SKAP2: variants seen among roughly 807,000 people sequenced by gnomAD.
SKAP2 encodes the protein src kinase-associated phosphoprotein 2.
SKAP2 carries 28 observed loss-of-function variants against 54.9 expected under a neutral mutation model. The ratio of observed to expected loss-of-function variants is 0.51; its 90% CI spans 0.38 to 0.70. The LOEUF (loss-of-function observed/expected upper bound fraction) is 0.70, where lower values mean the gene tolerates loss of function less well. SKAP2 is among the 30% of genes least tolerant of loss of function. The pLI is 0.00. For synonymous variants in SKAP2, 137 were observed against 134.3 expected (o/e 1.02, Z -0.14); for missense variants, 356 against 424.1 (o/e 0.84, Z 1.41).
At chr7:26,785,289 C>G (rs1191097640) in intron 4 of SKAP2, among the ~76,000 whole-genome samples, 1 of 152,034 alleles carries the variant, frequency 6.6e-6, no homozygotes, top group Non-Finnish European at 1.5e-5. Flanking sequence ...TGGGTTCACA[C>G]CATTCTCCTG....
At chr7:26,761,877 G>A (rs185982180) in intron 4 of SKAP2, among the ~76,000 whole-genome samples, 1 of 152,354 alleles carries the variant, frequency 6.6e-6, no homozygotes, top group East Asian at 1.9e-4. Context: ...TCTAGCCAGG[G>A]CGACAGAGTG....
At chr7:26,819,375 C>T (rs991409389) in intron 4 of SKAP2, among the ~76,000 whole-genome samples, 5 of 151,936 alleles carry the variant, frequency 3.3e-5, no homozygotes, top group Admixed American at 2.6e-4. Context: ...AATGAGAACA[C>T]ATGGACACAA....
At chr7:26,663,691 G>A (rs898727879), downstream of SKAP2, among the ~76,000 whole-genome samples, 3 of 152,124 alleles carry the variant, frequency 2.0e-5, no homozygotes, top group Non-Finnish European at 4.4e-5. Context: ...TGAGACAGAA[G>A]CAGCTGGATT....
downstream of SKAP2, among the ~76,000 whole-genome samples, chr7:26,665,400 G>A (rs1052456532): frequency 6.6e-6 from 1 of 152,096 alleles, no homozygotes; most frequent in Admixed American, 6.6e-5. Context: ...CAATCTACTT[G>A]TTGATAGTAT....
chr7:26,773,933 G>A (rs542711663), intron 4 of SKAP2, among the ~76,000 whole-genome samples: 14 of 152,232 alleles, frequency 9.2e-5, no homozygotes, highest in Admixed American at 9.2e-4. Flanking sequence ...AGTGCTGTGG[G>A]GAGAGGCAGG....
rs1786146645 is a variant in SKAP2 at position 26,668,146 on chromosome 7, T to G, written c.*1520A>C. 1 of 152,146 alleles carries G rather than the reference T, an allele frequency of 6.6e-6. No homozygotes were observed. Among genetic ancestry groups the G allele is most frequent in the South Asian group, 2.1e-4 (1 of 4,830 alleles). The allele number at this position is 152,146 out of a possible 1,614,324, so 9.4% of individuals were successfully genotyped here. On this transcript the variant is annotated 3_prime_UTR_variant, in exon 13 of 13. Transcript: ENST00000345317. ...CTCAAACACTGCTTATAAACAGTTT[T>G]ACACAAATAATGGAGATTTTAAAAT...
Position 26,683,535 on chromosome 7 carries a change from TGGAA to T in SKAP2, c.987+1197_987+1200del, listed in dbSNP as rs145108418. On this transcript the variant is annotated intron_variant, in intron 11 of 12. Coordinates refer to ENST00000345317, the MANE Select transcript of SKAP2 (RefSeq NM_003930.5). ...CTGCAGGTGCTTTATGATGGATGGA[TGGAA>T]GGAAGGAAGGAAGGAAGGAAGGAAG... Among the ~76,000 whole-genome samples, 1,172 of 147,168 alleles carry T rather than the reference TGGAA, an allele frequency of 8.0e-3. 9 individuals are homozygous for T. Among genetic ancestry groups the T allele is most frequent in the African/African-American group, 0.024 (937 of 39,456 alleles).
intron 4 of SKAP2, among the ~76,000 whole-genome samples, chr7:26,817,242 C>T (rs1784284780): frequency 6.6e-6 from 1 of 152,046 alleles, no homozygotes; most frequent in Non-Finnish European, 1.5e-5. Context: ...GGAGTGTATA[C>T]ATTCACACAG....
intron 9 of SKAP2, among the ~76,000 whole-genome samples, chr7:26,701,776 T>A (rs1470469593): frequency 2.0e-5 from 3 of 151,216 alleles, no homozygotes; most frequent in Non-Finnish European, 2.9e-5. Flanking sequence ...TAAATAAAAC[T>A]TGCATCATTG....
chr7:26,800,663 C>T (rs1389230242), intron 4 of SKAP2, among the ~76,000 whole-genome samples: 1 of 152,006 alleles, frequency 6.6e-6, no homozygotes. Context: ...AAAAGAGAGA[C>T]ATTACAAGTG....
chr7:26,789,687 T>C (rs1469876521), intron 4 of SKAP2, among the ~76,000 whole-genome samples: 1 of 152,208 alleles, frequency 6.6e-6, no homozygotes, highest in Non-Finnish European at 1.5e-5. Flanking sequence ...GTCAACTGGC[T>C]TGAATTCAGC....
intron 6 of SKAP2, among the ~76,000 whole-genome samples, chr7:26,731,281 T>C (rs1010374475): frequency 3.0e-4 from 46 of 152,202 alleles, no homozygotes; most frequent in Non-Finnish European, 3.2e-4. Context: ...CCAGGTGATT[T>C]TGATACACAC....
intron 9 of SKAP2, among the ~76,000 whole-genome samples, chr7:26,696,235 T>A (rs1442486880): frequency 6.6e-6 from 1 of 152,218 alleles, no homozygotes; most frequent in African/African-American, 2.4e-5. Flanking sequence ...AAATACATAT[T>A]TTTAAAAAGA....
chr7:26,810,772 C>A (rs966429246), intron 4 of SKAP2, among the ~76,000 whole-genome samples: 2 of 152,192 alleles, frequency 1.3e-5, no homozygotes, highest in Non-Finnish European at 2.9e-5. Context: ...ACCTCCACTT[C>A]CCAGGTTCAA....
chr7:26,758,506 C>G (rs1014564595), intron 4 of SKAP2, among the ~76,000 whole-genome samples: 1 of 151,984 alleles, frequency 6.6e-6, no homozygotes, highest in Non-Finnish European at 1.5e-5. Flanking sequence ...TCAAATAGTC[C>G]AAGTCTCATG....
intron 9 of SKAP2, among the ~76,000 whole-genome samples, chr7:26,694,020 A>ACT (rs1786844170): frequency 6.6e-6 from 1 of 152,196 alleles, no homozygotes; most frequent in Non-Finnish European, 1.5e-5. Flanking sequence ...TAATAGAATA[A>ACT]AGCTCTTAAA....
intron 4 of SKAP2, among the ~76,000 whole-genome samples, chr7:26,832,373 G>C (rs539314150): frequency 6.6e-6 from 1 of 152,182 alleles, no homozygotes; most frequent in African/African-American, 2.4e-5. Flanking sequence ...CCTTTGACTG[G>C]TAGCCAGGGA....
intron 4 of SKAP2, among the ~76,000 whole-genome samples, chr7:26,749,702 C>G (rs1192677013): frequency 6.6e-6 from 1 of 151,188 alleles, no homozygotes; most frequent in Admixed American, 6.6e-5. Flanking sequence ...TGCCACTGCA[C>G]TCCAGCCTGG....
At chr7:26,860,761 T>C (rs972618829) in intron 1 of SKAP2, among the ~76,000 whole-genome samples, 1 of 151,976 alleles carries the variant, frequency 6.6e-6, no homozygotes, top group Non-Finnish European at 1.5e-5. Flanking sequence ...AATTGCACTC[T>C]TCACCTAGTG....
Sources: allele counts gnomAD v4.1 joint callset (sites outside exome capture counted in the v4.1 genomes callset), GRCh38; gene constraint gnomAD v4.1.1; transcripts MANE v1.5; gene names NCBI Gene and HGNC (gene_info 2026-07-23, HGNC 2026-07-21).